The following UBA5 variants were observed in gnomAD, a reference collection of about 807,000 sequenced individuals.
UBA5 encodes the protein ubiquitin-like modifier-activating enzyme 5.
Under a neutral mutation model 52.9 loss-of-function variants are expected in UBA5, and 28 were observed. That is an observed-to-expected ratio of 0.53 (90% CI 0.39 to 0.73). The LOEUF is 0.73. Among genes scored for constraint, UBA5 ranks in the 30% least tolerant of loss-of-function variants. UBA5 has a pLI of 0.00. For missense variants in UBA5, 388 were observed against 492.7 expected (o/e 0.79, Z 2.01); for synonymous variants, 135 against 162.1 (o/e 0.83, Z 1.27).
chr3:132,659,347 C>A, upstream of UBA5: 1 of 491,724 alleles, frequency 2.0e-6, no homozygotes, highest in Non-Finnish European at 3.5e-6. Context: ...GGACATAAAT[C>A]CATCCTTTAA....
chr3:132,669,743 G>T (rs1452247070), intron 4 of UBA5, among the ~76,000 whole-genome samples: 1 of 152,166 alleles, frequency 6.6e-6, no homozygotes, highest in East Asian at 1.9e-4. Context: ...CCCCAAATTT[G>T]TTAACTGAGT....
At chr3:132,663,065 G>A (rs533988780) in intron 1 of UBA5, among the ~76,000 whole-genome samples, 3 of 152,286 alleles carry the variant, frequency 2.0e-5, no homozygotes, top group South Asian at 4.1e-4. Context: ...GTGGGTCCCT[G>A]TACTTGATTA....
chr3:132,660,601 G>T lies in UBA5; in HGVS notation c.64G>T (p.Glu22Ter). Residue 22 changes from glutamate (E) to a stop codon, truncating the protein, a stop_gained, in exon 1 of 12, where the codon GAG (glutamate) becomes TAG (stop). Coordinates refer to ENST00000356232, the MANE Select transcript of UBA5 (RefSeq NM_024818.6). LOFTEE classifies it high-confidence loss of function. The surrounding 1 kb of genome is among the most constrained non-coding windows in gnomAD (Gnocchi z 4.1). ...GGAGCTGGAGCGGGAACTTGCCCAG[G>T]AGAGGAGTCTGCAGGTCCCGAGGAG... ...VQELERELAQERSLQVPRSGD... is the reference protein window; with the variant it reads ...VQELERELAQ 6.4e-7 allele frequency: 1 copy of T among 1,555,206 alleles called. No individual in the cohort carries two copies. Among genetic ancestry groups the T allele is most frequent in the East Asian group, 2.4e-5 (1 of 41,258 alleles).
rs1938079988 is a variant in UBA5, at chr3:132,660,358, T to C, written c.-180T>C. 4 of 730,680 alleles carry C rather than the reference T, an allele frequency of 5.5e-6. No homozygotes were observed. The highest frequency in any genetic ancestry group is 1.9e-5 in the South Asian group (1 of 53,492). The allele number at this position is 730,680 out of a possible 1,614,324, so 45.3% of individuals were successfully genotyped here. ...CGGAAGCGGCTCCGAGGAAGGCCTGTGGGAGTCTCGGAGACGTGTCTGTCT... is the reference window on the plus strand; with the variant it reads ...CGGAAGCGGCTCCGAGGAAGGCCTGCGGGAGTCTCGGAGACGTGTCTGTCT... On this transcript the variant is annotated 5_prime_UTR_variant, in exon 1 of 12. Transcript: ENST00000356232. This position sits in a 1 kb window ranked among gnomAD's most constrained non-coding sequence, Gnocchi z 4.1.
rs1406922441 is a variant in UBA5 at position 132,678,415 on chromosome 3, TA to T, written c.*1891del. Among the ~76,000 whole-genome samples, 1 of 152,180 alleles carries T rather than the reference TA, an allele frequency of 6.6e-6. No homozygotes were observed. The highest frequency in any genetic ancestry group is 1.9e-4 in the East Asian group (1 of 5,206). On this transcript the variant is annotated 3_prime_UTR_variant, in exon 12 of 12. Transcript: ENST00000356232. ...CCAGATTTGTAAACACTATTGATTC[TA>T]ATGTGAAAGATGGAAAAGCAGTCCC...
chr3:132,659,579 G>A, upstream of UBA5: 1 of 1,606,466 alleles, frequency 6.2e-7, no homozygotes, highest in South Asian at 1.1e-5. Flanking sequence ...TTTTTCCGCT[G>A]GAGGCAAAGG....
intron 1 of UBA5, 57 bp from the exon 2 acceptor site, chr3:132,665,760 CTATTTG>C: frequency 6.9e-7 from 1 of 1,446,224 alleles, no homozygotes; most frequent in East Asian, 2.3e-5. Context: ...TGATGTATGT[CTATTTG>C]TATTACTAAT....
chr3:132,656,942 A>T (rs1010743854), upstream of UBA5, among the ~76,000 whole-genome samples: 1 of 151,840 alleles, frequency 6.6e-6, no homozygotes, highest in African/African-American at 2.4e-5. Context: ...GTGAGCTATT[A>T]TAGTTATATT....
chr3:132,672,536 G>A (rs950231754), intron 8 of UBA5, among the ~76,000 whole-genome samples: 1 of 152,032 alleles, frequency 6.6e-6, no homozygotes, highest in African/African-American at 2.4e-5. Flanking sequence ...TTAAATCTTT[G>A]CAAGTCTGTC....
At chr3:132,664,694 C>T (rs867619860) in intron 1 of UBA5, among the ~76,000 whole-genome samples, 13 of 151,808 alleles carry the variant, frequency 8.6e-5, no homozygotes, top group Admixed American at 5.9e-4. Context: ...AACTAGTGAG[C>T]TATAGCATAC....
At chr3:132,666,902 G>A (rs1205627239) in intron 3 of UBA5, among the ~76,000 whole-genome samples, 1 of 152,116 alleles carries the variant, frequency 6.6e-6, no homozygotes, top group Non-Finnish European at 1.5e-5. Flanking sequence ...CTTGACCAGG[G>A]ATAATAGAGA....
Position 132,678,623 on chromosome 3 carries a change from AC to A in UBA5, c.*2098del, listed in dbSNP as rs1259831228. On this transcript the variant is annotated 3_prime_UTR_variant, in exon 12 of 12. Coordinates refer to ENST00000356232, the MANE Select transcript of UBA5 (RefSeq NM_024818.6). ...ATACGTACACTGAACAACACAAAAA[AC>A]GTAATGGCCACTTAAGAATATTTAT... Among the ~76,000 whole-genome samples, 1 of 152,090 alleles carries A rather than the reference AC, an allele frequency of 6.6e-6. No individual in the cohort carries two copies. Among genetic ancestry groups the A allele is most frequent in the Admixed American group, 6.6e-5 (1 of 15,264 alleles).
rs1438054357 is a variant in UBA5, at chr3:132,676,649, A to G, written c.*123A>G. The G allele has an allele frequency of 4.3e-6, 3 of 698,630 alleles. No individual in the cohort carries two copies. The highest frequency in any genetic ancestry group is 7.3e-6 in the Non-Finnish European group (3 of 413,436). The allele number at this position is 698,630 out of a possible 1,614,324, so 43.3% of individuals were successfully genotyped here. On this transcript the variant is annotated 3_prime_UTR_variant, in exon 12 of 12. Transcript: ENST00000356232. The surrounding 1 kb of genome is among the most constrained non-coding windows in gnomAD (Gnocchi z 4.1). The stretch of plus-strand genomic sequence containing the variant: ...AATGTATATTCTTACCTGAATTGTT[A>G]TACTTTTTGAAAATCCTGTGACTTG...
chr3:132,660,321 T>C (rs970921781), upstream of UBA5: 3 of 616,632 alleles, frequency 4.9e-6, no homozygotes, highest in African/African-American at 5.7e-5. The surrounding 1 kb of genome is among the most constrained non-coding windows in gnomAD (Gnocchi z 4.1). Context: ...GGGAGCGATG[T>C]CTGCGACGCA....
At chr3:132,664,686 C>T (rs2107929624) in intron 1 of UBA5, among the ~76,000 whole-genome samples, 1 of 152,036 alleles carries the variant, frequency 6.6e-6, no homozygotes, top group East Asian at 1.9e-4. Flanking sequence ...CACTTTAGAA[C>T]TAGTGAGCTA....
chr3:132,662,416 C>T (rs991692935), intron 1 of UBA5, among the ~76,000 whole-genome samples: 7 of 152,070 alleles, frequency 4.6e-5, no homozygotes, highest in African/African-American at 1.4e-4. Context: ...GGTCTTTTCC[C>T]TCTAGAGCTT....
intron 8 of UBA5, among the ~76,000 whole-genome samples, chr3:132,672,744 C>A (rs1938659802): frequency 6.6e-6 from 1 of 152,096 alleles, no homozygotes; most frequent in Admixed American, 6.5e-5. Flanking sequence ...AAAAAAGATT[C>A]TTGAAATCTG....
At chr3:132,655,816 C>T (rs1937761746), upstream of UBA5, among the ~76,000 whole-genome samples, 1 of 152,164 alleles carries the variant, frequency 6.6e-6, no homozygotes, top group African/African-American at 2.4e-5. Context: ...CACTCAGCTG[C>T]AAATCACAAG....
At chr3:132,655,611 G>A (rs1016613921), upstream of UBA5, among the ~76,000 whole-genome samples, 3 of 152,130 alleles carry the variant, frequency 2.0e-5, no homozygotes, top group Admixed American at 1.3e-4. Context: ...AATGCCGTGT[G>A]CTCGAGGAAA....
Sources: allele counts gnomAD v4.1 joint callset (sites outside exome capture counted in the v4.1 genomes callset), GRCh38; gene constraint gnomAD v4.1.1; non-coding constraint Gnocchi (gnomAD v3.1); transcripts MANE v1.5; gene names NCBI Gene and HGNC (gene_info 2026-07-23, HGNC 2026-07-21).